ARHGAP24: variants seen among roughly 807,000 people sequenced by gnomAD.
ARHGAP24 encodes rho GTPase-activating protein 24.
In ARHGAP24, 50 loss-of-function variants were observed where a neutral mutation model predicts 76.4. That is an observed-to-expected ratio of 0.65 (90% CI 0.52 to 0.83). The LOEUF (loss-of-function observed/expected upper bound fraction) is 0.83. ARHGAP24 is among the 40% of genes least tolerant of loss of function. The probability of loss-of-function intolerance (pLI) is 0.00; values close to 1 mark genes in which losing one functional copy is unlikely to be tolerated. For synonymous variants in ARHGAP24, 345 were observed against 323.3 expected, an observed-to-expected ratio of 1.07 and a Z score of -0.72; for missense variants, 930 against 914.2, an observed-to-expected ratio of 1.02 and a Z score of -0.22.
intron 3 of ARHGAP24, among the ~76,000 whole-genome samples, chr4:85,818,433 T>A (rs543213565): frequency 6.6e-6 from 1 of 152,182 alleles, no homozygotes. Flanking sequence ...AAGTCATCAG[T>A]CTATAATTAG....
chr4:85,475,744 C>G lies in ARHGAP24; in HGVS notation c.-21+185C>G, dbSNP rs1168083116. ...GGGGCTGCGGGGGGCGGGGAGGGAT[C>G]GCAGGAATCCCGTGCTGATGTAGCC... On this transcript the variant is annotated intron_variant, in intron 1 of 9. Coordinates refer to ENST00000395184, the MANE Select transcript of ARHGAP24 (RefSeq NM_001025616.3). Among the ~76,000 whole-genome samples, 7 of 143,042 alleles carry G rather than the reference C, an allele frequency of 4.9e-5. 1 individual carries two copies. Among genetic ancestry groups the G allele is most frequent in the Non-Finnish European group, 9.1e-5 (6 of 66,222 alleles). 93.8% of individuals were successfully genotyped at this position (143,042 alleles called of 152,430 possible). A position where few individuals can be genotyped will look rare whatever the true frequency, so the allele number is the denominator to read the frequency against.
intron 3 of ARHGAP24, among the ~76,000 whole-genome samples, chr4:85,877,037 T>C (rs79898317): frequency 0.025 from 3,800 of 152,312 alleles, 255 homozygotes; most frequent in South Asian, 0.19. Context: ...ATGTAAATCG[T>C]CAGTTATAGA....
intron 2 of ARHGAP24, among the ~76,000 whole-genome samples, chr4:85,655,560 T>G (rs1722108562): frequency 1.3e-5 from 2 of 151,764 alleles, no homozygotes; most frequent in South Asian, 4.1e-4. Context: ...GGCAGGTGGA[T>G]CACTTGAGGC....
At chr4:85,552,493 C>A (rs972476919) in intron 1 of ARHGAP24, among the ~76,000 whole-genome samples, 1 of 152,084 alleles carries the variant, frequency 6.6e-6, no homozygotes, top group African/African-American at 2.4e-5. Flanking sequence ...AATGTATATT[C>A]TGTTGTTTTT....
intron 2 of ARHGAP24, among the ~76,000 whole-genome samples, chr4:85,716,366 T>C (rs1724733666): frequency 6.6e-6 from 1 of 152,158 alleles, no homozygotes; most frequent in African/African-American, 2.4e-5. Flanking sequence ...AGATTTTGTT[T>C]ATCATATTTC....
intron 1 of ARHGAP24, among the ~76,000 whole-genome samples, chr4:85,496,507 G>C (rs1723589841): frequency 6.6e-6 from 1 of 152,192 alleles, no homozygotes; most frequent in Non-Finnish European, 1.5e-5. Flanking sequence ...TCTGACTTTT[G>C]AGAAGATTTT....
intron 3 of ARHGAP24, among the ~76,000 whole-genome samples, chr4:85,784,122 C>G (rs1187666826): frequency 6.6e-6 from 1 of 152,180 alleles, no homozygotes; most frequent in Non-Finnish European, 1.5e-5. Flanking sequence ...TCAGAGGTTG[C>G]TCATGATGGC....
chr4:85,755,649 T>TTTTTTTTTTTG (rs1553927708), intron 3 of ARHGAP24, among the ~76,000 whole-genome samples: 2 of 143,020 alleles, frequency 1.4e-5, no homozygotes, highest in Admixed American at 7.0e-5. Context: ...TTGTTTTGTT[T>TTTTTTTTTTTG]TGAGACGGAG....
intron 3 of ARHGAP24, among the ~76,000 whole-genome samples, chr4:85,880,135 G>A (rs2148767312): frequency 6.6e-6 from 1 of 152,180 alleles, no homozygotes. Context: ...CACAGTAGCA[G>A]ATTAACAATA....
chr4:85,624,894 G>A (rs1460651843), intron 2 of ARHGAP24, among the ~76,000 whole-genome samples: 1 of 152,164 alleles, frequency 6.6e-6, no homozygotes, highest in Non-Finnish European at 1.5e-5. Context: ...ATCGTAGTTT[G>A]TATTTCTGTG....
At chr4:85,669,644 A>AATAT (rs58332235) in intron 2 of ARHGAP24, among the ~76,000 whole-genome samples, 34 of 93,224 alleles carry the variant, frequency 3.6e-4, no homozygotes, top group Non-Finnish European at 4.7e-4. Context: ...TGTACTTTCA[A>AATAT]ATATATATAT....
At position 85,764,541 on chromosome 4, in the gene ARHGAP24, T is replaced by C. The variant is rs565615459; in HGVS notation, c.268+42569T>C. ...TTTTAACCACTGAGCTTGGTATTGA[T>C]TGAGAAGCAAGATGTGAGATTTTGT... On this transcript the variant is annotated intron_variant, in intron 3 of 9. Coordinates refer to ENST00000395184, the MANE Select transcript of ARHGAP24 (RefSeq NM_001025616.3). 7.9e-4 allele frequency among the ~76,000 whole-genome samples: 120 copies of C among 152,242 alleles called. 2 individuals are homozygous for C. In the South Asian group the frequency reaches 0.023, roughly 30 times the overall value.
At chr4:85,793,637 T>A (rs1428458999) in intron 3 of ARHGAP24, among the ~76,000 whole-genome samples, 5 of 152,314 alleles carry the variant, frequency 3.3e-5, no homozygotes, top group African/African-American at 1.2e-4. Context: ...ACTCTTTTTT[T>A]AAAATCTCAG....
chr4:85,878,970 C>T (rs2148766182), intron 3 of ARHGAP24, among the ~76,000 whole-genome samples: 1 of 152,244 alleles, frequency 6.6e-6, no homozygotes, highest in East Asian at 1.9e-4. Flanking sequence ...GGGAGTCAAT[C>T]TCCACTGAGC....
At chr4:85,916,865 T>C (rs1735433529) in intron 3 of ARHGAP24, among the ~76,000 whole-genome samples, 1 of 152,226 alleles carries the variant, frequency 6.6e-6, no homozygotes, top group African/African-American at 2.4e-5. Context: ...TAATTATTTA[T>C]TGGAGATGAT....
intron 3 of ARHGAP24, among the ~76,000 whole-genome samples, chr4:85,918,626 A>G (rs1578386997): frequency 6.6e-6 from 1 of 152,074 alleles, no homozygotes; most frequent in Non-Finnish European, 1.5e-5. Flanking sequence ...AAATCCATTA[A>G]GCTTTTCTTA....
chr4:85,638,464 A>G (rs535988503), intron 2 of ARHGAP24, among the ~76,000 whole-genome samples: 16 of 152,298 alleles, frequency 1.1e-4, no homozygotes, highest in Non-Finnish European at 1.8e-4. Context: ...AAAATGTCCA[A>G]TGGTTATGGG....
intron 1 of ARHGAP24, among the ~76,000 whole-genome samples, chr4:85,494,745 G>T (rs1283888220): frequency 6.6e-6 from 1 of 151,712 alleles, no homozygotes; most frequent in Non-Finnish European, 1.5e-5. Flanking sequence ...ACAGAAAATA[G>T]CCTTCTTTCA....
At chr4:85,624,993 A>G (rs1429190101) in intron 2 of ARHGAP24, among the ~76,000 whole-genome samples, 6 of 152,048 alleles carry the variant, frequency 3.9e-5, no homozygotes, top group Non-Finnish European at 8.8e-5. Flanking sequence ...CTAGCAGTCT[A>G]TCAATTTTGT....
Sources: allele counts gnomAD v4.1 joint callset (sites outside exome capture counted in the v4.1 genomes callset), GRCh38; gene constraint gnomAD v4.1.1; transcripts MANE v1.5; gene names NCBI Gene and HGNC (gene_info 2026-07-23, HGNC 2026-07-21).